COL4A1: variants seen among roughly 807,000 people sequenced by gnomAD.
The protein encoded by COL4A1 is collagen type IV alpha 1 chain.
Under a neutral mutation model 216.6 loss-of-function variants are expected in COL4A1, and 40 were observed. The observed-to-expected ratio is 0.18, with a 90% confidence interval of 0.14 to 0.24. COL4A1 has a LOEUF of 0.24. COL4A1 is among the 10% of genes least tolerant of loss of function. The pLI, the probability that COL4A1 is intolerant of heterozygous loss-of-function variation, is 1.00. For missense variants in COL4A1, 1,628 were observed against 2,196.8 expected, an observed-to-expected ratio of 0.74 and a Z score of 5.18; for synonymous variants, 839 against 810.7, an observed-to-expected ratio of 1.03 and a Z score of -0.59.
intron 1 of COL4A1, among the ~76,000 whole-genome samples, chr13:110,274,376 T>A (rs1448120507): frequency 6.6e-6 from 1 of 152,238 alleles, no homozygotes; most frequent in Non-Finnish European, 1.5e-5. Context: ...TTAGATGTTC[T>A]GATCTGATGC....
intron 17 of COL4A1, among the ~76,000 whole-genome samples, chr13:110,204,648 ATTTTTT>A (rs377187830): frequency 7.0e-6 from 1 of 142,950 alleles, no homozygotes; most frequent in East Asian, 2.0e-4. Flanking sequence ...TATTTTTTAG[ATTTTTT>A]TTTTTTTTTA....
intron 2 of COL4A1, among the ~76,000 whole-genome samples, chr13:110,228,446 G>A (rs557631342): frequency 9.7e-4 from 148 of 152,296 alleles, no homozygotes; most frequent in African/African-American, 3.2e-3. Context: ...CCCAGCAGGC[G>A]GCTCCTGCGC....
In COL4A1 at chr13:110,176,462, G is replaced by A. The variant is rs754815902; in HGVS notation, c.3020C>T (p.Pro1007Leu). The A allele has an allele frequency of 2.1e-5, 34 of 1,613,844 alleles. No homozygotes were observed. The highest frequency in any genetic ancestry group is 8.8e-5 in the South Asian group (8 of 91,078). ...TCCACCAACAGATCCTTTTGGTCCCGGAAGTCCTGGAGCACCTGGGGTTCC... is the reference window on the plus strand; with the variant it reads ...TCCACCAACAGATCCTTTTGGTCCCAGAAGTCCTGGAGCACCTGGGGTTCC... ...ISGTPGAPGL[P>L]GPKGSVGGMG... is the part of the protein sequence containing the mutation. Residue 1007 changes from proline (P) to leucine (L), a missense_variant, in exon 36 of 52, where the codon CCG (proline) becomes CTG (leucine). Physicochemically the swap from Pro to Leu is moderately conservative, Grantham distance 98. Coordinates refer to ENST00000375820, the MANE Select transcript of COL4A1 (RefSeq NM_001845.6).
chr13:110,153,948 GACGCCAC>G lies in COL4A1; in HGVS notation c.4755+1328_4755+1334del, dbSNP rs533293502. ...CTCCACACGGCTGGGGCGCAGGGCA[GACGCCAC>G]ACCATCCGTGAGTTACCTTGTTATC... On this transcript the variant is annotated intron_variant, in intron 50 of 51. Coordinates refer to ENST00000375820, the MANE Select transcript of COL4A1 (RefSeq NM_001845.6). Among the ~76,000 whole-genome samples the G allele has an allele frequency of 3.2e-4, 48 of 152,276 alleles. No individual in the cohort carries two copies. The South Asian group carries it at 9.7e-3, about 31-fold the overall frequency.
chr13:110,219,866 G>GTATA (rs1880359664), intron 2 of COL4A1, among the ~76,000 whole-genome samples: 2 of 66,620 alleles, frequency 3.0e-5, no homozygotes, highest in Admixed American at 1.6e-4. Context: ...GTATATATGT[G>GTATA]TGTGTATATA....
At chr13:110,197,628 A>T (rs1395136117) in intron 21 of COL4A1, among the ~76,000 whole-genome samples, 1 of 152,158 alleles carries the variant, frequency 6.6e-6, no homozygotes, top group Non-Finnish European at 1.5e-5. Flanking sequence ...CACATTCCCC[A>T]TCGAAGCTGC....
intron 15 of COL4A1, among the ~76,000 whole-genome samples, chr13:110,206,343 G>A (rs1879514974): frequency 6.6e-6 from 1 of 152,220 alleles, no homozygotes; most frequent in Admixed American, 6.5e-5. Context: ...TGGTGTTCTG[G>A]GTGGCAAAGT....
At chr13:110,253,658 T>C (rs939117238) in intron 1 of COL4A1, among the ~76,000 whole-genome samples, 19 of 145,302 alleles carry the variant, frequency 1.3e-4, no homozygotes, top group Non-Finnish European at 3.0e-5. Context: ...CATATACGTA[T>C]AATTATATGT....
At chr13:110,241,695 A>G (rs546294694) in intron 2 of COL4A1, among the ~76,000 whole-genome samples, 5 of 152,364 alleles carry the variant, frequency 3.3e-5, no homozygotes, top group African/African-American at 9.6e-5. Context: ...ATCACCTATC[A>G]GGCATATTTT....
chr13:110,216,996 A>G (rs1880117397), intron 2 of COL4A1, among the ~76,000 whole-genome samples: 1 of 152,146 alleles, frequency 6.6e-6, no homozygotes. Flanking sequence ...GTATCCCCAG[A>G]GCTTTGAAAT....
intron 26 of COL4A1, among the ~76,000 whole-genome samples, chr13:110,184,394 C>G (rs1172529949): frequency 6.6e-6 from 1 of 152,210 alleles, no homozygotes; most frequent in Non-Finnish European, 1.5e-5. Flanking sequence ...ATTGTGGAAT[C>G]AAGAGACCCA....
chr13:110,284,396 C>T (rs932873465), intron 1 of COL4A1, among the ~76,000 whole-genome samples: 4 of 152,112 alleles, frequency 2.6e-5, no homozygotes, highest in African/African-American at 7.2e-5. Flanking sequence ...GGCATAATCC[C>T]GAAATCAGTA....
At chr13:110,189,448 G>A (rs758133324) in intron 24 of COL4A1, among the ~76,000 whole-genome samples, 4 of 152,224 alleles carry the variant, frequency 2.6e-5, no homozygotes, top group Non-Finnish European at 5.9e-5. Context: ...TCCTGTCATG[G>A]CAGAAGCTTC....
At chr13:110,248,023 T>C (rs1389632708) in intron 1 of COL4A1, among the ~76,000 whole-genome samples, 5 of 152,152 alleles carry the variant, frequency 3.3e-5, no homozygotes, top group Admixed American at 3.3e-4. Context: ...ACAATTTTTA[T>C]GTGTTTCACA....
Position 110,211,864 on chromosome 13 carries a change from C to T in COL4A1, c.441+5G>A. 1.2e-6 allele frequency: 2 copies of T among 1,614,106 alleles called. No homozygotes were observed. The highest frequency in any genetic ancestry group is 8.5e-7 in the Non-Finnish European group (1 of 1,179,990). Reference sequence around the variant, plus strand: ...GAAGTTCTGCCCTAAATAACCTCTACTCACGGGATTTCCAGCGAAACCAGG... The same window carrying T: ...GAAGTTCTGCCCTAAATAACCTCTATTCACGGGATTTCCAGCGAAACCAGG... On this transcript the variant is annotated splice_donor_5th_base_variant and intron_variant, in intron 7 of 51. Transcript: ENST00000375820. The surrounding 1 kb of genome is among the most constrained non-coding windows in gnomAD (Gnocchi z 4.3).
chr13:110,193,779 G>A (rs1220990586), intron 22 of COL4A1, among the ~76,000 whole-genome samples: 2 of 152,204 alleles, frequency 1.3e-5, no homozygotes, highest in Non-Finnish European at 2.9e-5. Flanking sequence ...GCAGGCACAT[G>A]GTTTCATTTC....
At chr13:110,218,195 A>G (rs534385280) in intron 2 of COL4A1, among the ~76,000 whole-genome samples, 7 of 101,128 alleles carry the variant, frequency 6.9e-5, no homozygotes, top group African/African-American at 2.5e-4. Flanking sequence ...AGCAGTCATC[A>G]AAATTCTTAC....
rs559396569 is a variant in COL4A1, at chr13:110,236,617, CTG to C, written c.144+6056_144+6057del. Among the ~76,000 whole-genome samples, 791 of 152,264 alleles carry C rather than the reference CTG, an allele frequency of 5.2e-3. 5 individuals carry two copies. The highest frequency in any genetic ancestry group is 8.3e-3 in the Non-Finnish European group (564 of 68,022). Reference sequence around the variant, plus strand: ...TGAGAAGCATGGCCATGCCCACGTCCTGGGTAATCGCGGAGACACAGTGAAGA... The same window carrying C: ...TGAGAAGCATGGCCATGCCCACGTCCGGTAATCGCGGAGACACAGTGAAGA... On this transcript the variant is annotated intron_variant, in intron 2 of 51. Coordinates refer to ENST00000375820, the MANE Select transcript of COL4A1 (RefSeq NM_001845.6).
rs139470977 is a variant in COL4A1 at position 110,174,580 on chromosome 13, T to C, written c.3325+43A>G. The stretch of plus-strand genomic sequence containing the variant: ...TCCATAAGTTTGGGCTTTTCTTTGA[T>C]TTCTTAGATTCCCCAAGTCCAAGAG... On this transcript the variant is annotated intron_variant, in intron 38 of 51. Coordinates refer to ENST00000375820, the MANE Select transcript of COL4A1 (RefSeq NM_001845.6). 39 of 1,614,146 alleles carry C rather than the reference T, an allele frequency of 2.4e-5. No homozygotes were observed. In the African/African-American group the frequency reaches 4.4e-4, roughly 18 times the overall value.
Sources: allele counts gnomAD v4.1 joint callset (sites outside exome capture counted in the v4.1 genomes callset), GRCh38; gene constraint gnomAD v4.1.1; non-coding constraint Gnocchi (gnomAD v3.1); transcripts MANE v1.5; gene names NCBI Gene and HGNC (gene_info 2026-07-23, HGNC 2026-07-21).